The following ERGIC1 variants were observed in gnomAD, a reference collection of about 807,000 sequenced individuals.
The protein encoded by ERGIC1 is endoplasmic reticulum-Golgi intermediate compartment protein 1.
ERGIC1 carries 19 observed loss-of-function variants against 38.3 expected under a neutral mutation model. The observed-to-expected ratio is 0.50, with a 90% CI of 0.35 to 0.73. The LOEUF (loss-of-function observed/expected upper bound fraction) is 0.73. Among genes scored for constraint, ERGIC1 ranks in the 30% least tolerant of loss-of-function variants. The pLI, the probability that ERGIC1 is intolerant of heterozygous loss-of-function variation, is 0.01. For synonymous variants in ERGIC1, 124 were observed against 157.6 expected, an observed-to-expected ratio of 0.79 and a Z score of 1.60; for missense variants, 294 against 389.2, an observed-to-expected ratio of 0.76 and a Z score of 2.06.
At chr5:172,913,425 A>T (rs74452750) in intron 4 of ERGIC1, among the ~76,000 whole-genome samples, 1,597 of 152,340 alleles carry the variant, frequency 0.01, 21 homozygotes, top group Non-Finnish European at 0.016. Context: ...TGTTTTCTCT[A>T]AACTTCACAT....
chr5:172,923,293 T>C (rs540403922), intron 5 of ERGIC1, among the ~76,000 whole-genome samples: 2 of 132,964 alleles, frequency 1.5e-5, no homozygotes, highest in East Asian at 4.2e-4. Flanking sequence ...AGGGTTCTAG[T>C]CTGAGCATCT....
At chr5:172,917,751 C>T (rs1325333669) in intron 5 of ERGIC1, 1 of 152,220 alleles carries the variant, frequency 6.6e-6, no homozygotes. Flanking sequence ...ATGTAGGCCA[C>T]AAACCACAGT....
At chr5:172,913,547 G>A (rs1309389328) in intron 4 of ERGIC1, among the ~76,000 whole-genome samples, 1 of 152,198 alleles carries the variant, frequency 6.6e-6, no homozygotes, top group African/African-American at 2.4e-5. Flanking sequence ...CCTCATCGAG[G>A]AACACAGAGT....
chr5:172,946,755 T>C (rs1764130245), intron 9 of ERGIC1, among the ~76,000 whole-genome samples: 1 of 152,140 alleles, frequency 6.6e-6, no homozygotes, highest in Non-Finnish European at 1.5e-5. Flanking sequence ...TGACTCTACG[T>C]CACCTCATGC....
At chr5:172,880,514 A>G (rs1441410768) in intron 1 of ERGIC1, among the ~76,000 whole-genome samples, 2 of 151,876 alleles carry the variant, frequency 1.3e-5, no homozygotes, top group African/African-American at 4.8e-5. Context: ...TTTTGTAGAG[A>G]CAGGGTTTCA....
intron 1 of ERGIC1, among the ~76,000 whole-genome samples, chr5:172,878,761 G>A (rs140477473): frequency 4.5e-4 from 69 of 152,218 alleles, no homozygotes; most frequent in African/African-American, 1.5e-3. Flanking sequence ...GCCTCCACTT[G>A]GCTCTGGTGT....
At chr5:172,947,911 T>TGTGTGTGTGG (rs1481857454) in intron 9 of ERGIC1, among the ~76,000 whole-genome samples, 1 of 144,332 alleles carries the variant, frequency 6.9e-6, no homozygotes, top group African/African-American at 2.6e-5. Flanking sequence ...TGTGTGTGTG[T>TGTGTGTGTGG]GGTTATTTTT....
intron 3 of ERGIC1, among the ~76,000 whole-genome samples, chr5:172,901,266 G>T (rs1762868901): frequency 6.6e-6 from 1 of 152,192 alleles, no homozygotes; most frequent in Admixed American, 6.5e-5. Flanking sequence ...AGGCACATTT[G>T]TTTGGGTGGT....
chr5:172,869,270 G>A (rs1485011854), intron 1 of ERGIC1, among the ~76,000 whole-genome samples: 1 of 152,246 alleles, frequency 6.6e-6, no homozygotes, highest in Admixed American at 6.5e-5. Context: ...CGTGTGCTCA[G>A]GGGAGGCTGG....
intron 2 of ERGIC1, among the ~76,000 whole-genome samples, chr5:172,889,808 T>C (rs1233610260): frequency 6.6e-6 from 1 of 152,220 alleles, no homozygotes; most frequent in Non-Finnish European, 1.5e-5. Flanking sequence ...ATTATACTTA[T>C]CAGTTGAGCA....
In ERGIC1 at chr5:172,899,251, G is replaced by GCAGGCAGGACGGAGAGGGGC. The variant is rs1762809180; in HGVS notation, c.155+2183_155+2202dup. Among the ~76,000 whole-genome samples, 6 of 151,440 alleles carry GCAGGCAGGACGGAGAGGGGC rather than the reference G, an allele frequency of 4.0e-5. No individual in the cohort carries two copies. The South Asian group carries it at 1.0e-3, about 26-fold the overall frequency. Reference sequence around the variant, plus strand: ...GCAAGCGGAGAGGGTAGGAGGTAGAGCAGGCAGGACGGAGAGGGGCCAGGC... The same window carrying GCAGGCAGGACGGAGAGGGGC: ...GCAAGCGGAGAGGGTAGGAGGTAGAGCAGGCAGGACGGAGAGGGGCCAGGCAGGACGGAGAGGGGCCAGGC... On this transcript the variant is annotated intron_variant, in intron 3 of 9. Transcript: ENST00000393784.
chr5:172,943,005 CAG>C (rs1764045610), intron 9 of ERGIC1, among the ~76,000 whole-genome samples: 1 of 152,124 alleles, frequency 6.6e-6, no homozygotes, highest in African/African-American at 2.4e-5. Flanking sequence ...GGTGGGCTAA[CAG>C]AAAAAGCAGG....
At chr5:172,941,643 A>G (rs1020471662) in intron 9 of ERGIC1, among the ~76,000 whole-genome samples, 11 of 152,340 alleles carry the variant, frequency 7.2e-5, no homozygotes, top group Middle Eastern at 3.4e-3. Flanking sequence ...AGACATCAGG[A>G]TCATTTGATA....
At chr5:172,839,892 C>T (rs962277231) in intron 1 of ERGIC1, among the ~76,000 whole-genome samples, 27 of 152,204 alleles carry the variant, frequency 1.8e-4, no homozygotes, top group Non-Finnish European at 5.9e-5. Context: ...CCATTTGGCA[C>T]CAGAGCTCCA....
intron 1 of ERGIC1, among the ~76,000 whole-genome samples, chr5:172,843,968 C>T (rs1761224917): frequency 6.6e-6 from 1 of 152,224 alleles, no homozygotes. Flanking sequence ...TTTCCCTCTC[C>T]TCTGCCTTTC....
intron 8 of ERGIC1, chr5:172,933,823 T>G (rs1457895942): frequency 6.6e-6 from 1 of 152,144 alleles, no homozygotes; most frequent in Non-Finnish European, 1.5e-5. Context: ...AGCCACTGTG[T>G]GCCTCAGTTT....
chr5:172,864,402 G>A (rs563296749), intron 1 of ERGIC1, among the ~76,000 whole-genome samples: 17 of 151,058 alleles, frequency 1.1e-4, no homozygotes, highest in Middle Eastern at 3.4e-3. Flanking sequence ...CTCAGTAGCT[G>A]GGATTACAGG....
intron 5 of ERGIC1, 93 bp from the exon 6 acceptor site, chr5:172,923,912 C>T: frequency 1.8e-6 from 2 of 1,118,832 alleles, no homozygotes; most frequent in Non-Finnish European, 1.3e-6. Context: ...TGCCTGATTC[C>T]AGTGTCCTCC....
At chr5:172,839,074 C>G (rs1169501645) in intron 1 of ERGIC1, among the ~76,000 whole-genome samples, 1 of 151,554 alleles carries the variant, frequency 6.6e-6, no homozygotes, top group Non-Finnish European at 1.5e-5. Flanking sequence ...AACCCCGTCT[C>G]TAATAAAAAT....
Sources: gnomAD v4.1 joint callset for allele counts (sites outside exome capture counted in the v4.1 genomes callset) on GRCh38, gnomAD v4.1.1 for gene constraint, MANE v1.5 for transcripts, NCBI Gene and HGNC (gene_info 2026-07-23, HGNC 2026-07-21) for gene names.